RBFOX1: variants seen among roughly 807,000 people sequenced by gnomAD.
RBFOX1 encodes the protein RNA binding fox-1 homolog 1, also known as RNA binding protein fox-1 homolog 1.
A neutral mutation model predicts 57.7 loss-of-function variants in RBFOX1; 8 were observed. The observed-to-expected ratio is 0.14, with a 90% CI of 0.08 to 0.25. The LOEUF (loss-of-function observed/expected upper bound fraction) is 0.25, where lower values mean the gene tolerates loss of function less well. Ranked by LOEUF, RBFOX1 falls within the 10% of genes least tolerant of loss-of-function variation. RBFOX1 has a pLI of 1.00. For synonymous variants in RBFOX1, 326 were observed against 222.4 expected (o/e 1.47, Z -4.15); for missense variants, 611 against 548.5 (o/e 1.11, Z -1.14).
intron 3 of RBFOX1, among the ~76,000 whole-genome samples, chr16:6,842,881 C>G (rs1425263006): frequency 6.6e-6 from 1 of 151,994 alleles, no homozygotes; most frequent in Non-Finnish European, 1.5e-5. Flanking sequence ...TCCATGTGTT[C>G]TCATTGTTCA....
intron 1 of RBFOX1, among the ~76,000 whole-genome samples, chr16:6,216,870 C>G (rs1490485805): frequency 3.4e-5 from 5 of 148,830 alleles, no homozygotes; most frequent in Non-Finnish European, 6.0e-5. Flanking sequence ...CCCTATTTCA[C>G]TTTTTTTTTT....
chr16:6,948,453 G>A (rs923595576), intron 3 of RBFOX1, among the ~76,000 whole-genome samples: 1 of 130,940 alleles, frequency 7.6e-6, no homozygotes, highest in Non-Finnish European at 1.5e-5. Flanking sequence ...GTTTATCTCG[G>A]CTCACTACAA....
intron 3 of RBFOX1, among the ~76,000 whole-genome samples, chr16:5,841,933 G>T (rs1272766946): frequency 6.6e-6 from 1 of 152,212 alleles, no homozygotes; most frequent in African/African-American, 2.4e-5. Flanking sequence ...ACACCACCAG[G>T]TCTTTGCTCT....
intron 3 of RBFOX1, among the ~76,000 whole-genome samples, chr16:6,866,541 A>AATTTTTTT (rs761820657): frequency 1.5e-4 from 12 of 78,874 alleles, no homozygotes; most frequent in African/African-American, 5.6e-4. Flanking sequence ...CTTTCCTTCT[A>AATTTTTTT]TTTTTTTTTT....
At chr16:6,645,432 C>T (rs2098525844) in intron 2 of RBFOX1, among the ~76,000 whole-genome samples, 1 of 152,134 alleles carries the variant, frequency 6.6e-6, no homozygotes, top group Admixed American at 6.5e-5. Flanking sequence ...TCTTTAAGTG[C>T]CAGATACTTC....
chr16:7,061,462 C>T (rs1221122408), intron 4 of RBFOX1, among the ~76,000 whole-genome samples: 1 of 152,104 alleles, frequency 6.6e-6, no homozygotes, highest in East Asian at 1.9e-4. Context: ...AAGAAGTGTA[C>T]AGGTGTCCAC....
At chr16:6,720,511 T>C (rs773505476) in intron 3 of RBFOX1, among the ~76,000 whole-genome samples, 57 of 152,112 alleles carry the variant, frequency 3.7e-4, no homozygotes, top group Admixed American at 5.2e-4. Context: ...CCAGGGATAA[T>C]TCAGGAAAGG....
At chr16:6,926,473 A>C (rs1426611283) in intron 3 of RBFOX1, among the ~76,000 whole-genome samples, 1 of 152,152 alleles carries the variant, frequency 6.6e-6, no homozygotes, top group Non-Finnish European at 1.5e-5. Context: ...TAGTAGGTTC[A>C]GTGGGTTGAT....
At chr16:6,240,917 T>G (rs1331087894) in intron 1 of RBFOX1, among the ~76,000 whole-genome samples, 1 of 152,230 alleles carries the variant, frequency 6.6e-6, no homozygotes, top group Non-Finnish European at 1.5e-5. Flanking sequence ...CTGTTCACTG[T>G]ACTCTGTGAC....
In RBFOX1 at chr16:5,991,946, G is replaced by A. The variant is rs572167008; in HGVS notation, c.351+124611G>A. On this transcript the variant is annotated intron_variant, in intron 4 of 19. Transcript: ENST00000641259. ...CAGTTTTAAAAAAATTTGAACACTT[G>A]TTAACTGGAATTGCTATGCACACAC... is the stretch of plus-strand genomic sequence containing the variant. Among the ~76,000 whole-genome samples the A allele has an allele frequency of 5.3e-5, 8 of 152,274 alleles. No homozygotes were observed. In the East Asian group the frequency reaches 1.5e-3, roughly 29 times the overall value.
chr16:6,047,992 G>T (rs1368050599), intron 1 of RBFOX1, among the ~76,000 whole-genome samples: 1 of 152,152 alleles, frequency 6.6e-6, no homozygotes. Context: ...GAAATACTCA[G>T]TTATTAAAAA....
At chr16:6,253,439 A>C (rs8051084) in intron 1 of RBFOX1, among the ~76,000 whole-genome samples, 2 of 151,908 alleles carry the variant, frequency 1.3e-5, no homozygotes, top group Non-Finnish European at 2.9e-5. Flanking sequence ...CTGATGTCTG[A>C]CTCAGGTGAG....
At chr16:6,117,115 A>G (rs2096504797) in intron 1 of RBFOX1, among the ~76,000 whole-genome samples, 2 of 152,170 alleles carry the variant, frequency 1.3e-5, no homozygotes, top group African/African-American at 4.8e-5. Flanking sequence ...TTGTAGATAA[A>G]TAAAGGCTGA....
At chr16:7,447,650 CT>C (rs1325335841) in intron 4 of RBFOX1, among the ~76,000 whole-genome samples, 1 of 152,180 alleles carries the variant, frequency 6.6e-6, no homozygotes, top group Non-Finnish European at 1.5e-5. Flanking sequence ...CAAACTTTTC[CT>C]TGCATCTTCA....
intron 4 of RBFOX1, among the ~76,000 whole-genome samples, chr16:7,296,748 C>T (rs988900512): frequency 3.9e-5 from 6 of 152,104 alleles, no homozygotes; most frequent in African/African-American, 1.2e-4. Context: ...GGACTCTGGG[C>T]CTTTCTTTCG....
chr16:5,850,382 C>A (rs1030778444), intron 3 of RBFOX1, among the ~76,000 whole-genome samples: 3 of 152,114 alleles, frequency 2.0e-5, no homozygotes, highest in Non-Finnish European at 4.4e-5. Flanking sequence ...ACATGTCCTT[C>A]GAACCAGTAA....
chr16:6,629,905 T>G (rs1486414023), intron 2 of RBFOX1, among the ~76,000 whole-genome samples: 1 of 151,910 alleles, frequency 6.6e-6, no homozygotes, highest in African/African-American at 2.4e-5. Context: ...CTAACTCATT[T>G]TAATGACCTC....
At chr16:7,227,710 C>G (rs1441232393) in intron 4 of RBFOX1, among the ~76,000 whole-genome samples, 2 of 152,150 alleles carry the variant, frequency 1.3e-5, no homozygotes, top group African/African-American at 2.4e-5. Flanking sequence ...TGGCCCGTCG[C>G]CCTGCCTGCA....
intron 4 of RBFOX1, among the ~76,000 whole-genome samples, chr16:7,428,086 G>C (rs1343312434): frequency 6.6e-6 from 1 of 152,070 alleles, no homozygotes; most frequent in East Asian, 1.9e-4. Context: ...TCCTCCAGGA[G>C]GCCCCAGCTG....
Sources: allele counts gnomAD v4.1 joint callset (sites outside exome capture counted in the v4.1 genomes callset), GRCh38; gene constraint gnomAD v4.1.1; transcripts MANE v1.5; gene names NCBI Gene and HGNC (gene_info 2026-07-23, HGNC 2026-07-21).